The following TSHZ3 variants were observed in gnomAD, a reference collection of about 807,000 sequenced individuals.
The protein encoded by TSHZ3 is teashirt zinc finger homeobox 3.
In TSHZ3, 10 loss-of-function variants were observed where a neutral mutation model predicts 64.5. That is an observed-to-expected ratio of 0.16 (90% CI 0.10 to 0.26). The LOEUF is 0.26. Among genes scored for constraint, TSHZ3 ranks in the 10% least tolerant of loss-of-function variants. The probability of loss-of-function intolerance (pLI) is 1.00; values close to 1 mark genes in which losing one functional copy is unlikely to be tolerated. For synonymous variants in TSHZ3, 608 were observed against 593.1 expected (o/e 1.03, Z -0.36); for missense variants, 1,242 against 1,421.7 (o/e 0.87, Z 2.03).
chr19:31,292,171 G>A (rs1451979293), intron 1 of TSHZ3, among the ~76,000 whole-genome samples: 1 of 152,118 alleles, frequency 6.6e-6, no homozygotes, highest in African/African-American at 2.4e-5. Flanking sequence ...AATTAGAAGA[G>A]TAACTTCATC....
chr19:31,291,489 A>C (rs528636056), intron 1 of TSHZ3, among the ~76,000 whole-genome samples: 1 of 152,318 alleles, frequency 6.6e-6, no homozygotes, highest in African/African-American at 2.4e-5. Context: ...AAGAGAAGGC[A>C]GCTTCCCTGT....
Position 31,278,095 on chromosome 19 carries a change from C to T in TSHZ3, c.1698G>A (p.Ser566=), listed in dbSNP as rs139270246. ...LPNMMKLSLG[S]SGKSTPLKPM... is the part of the protein sequence containing the mutation. The stretch of plus-strand genomic sequence containing the variant: ...GTTTCAGGGGCGTGCTCTTCCCCGA[C>T]GAGCCCAGGGACAACTTCATCATGT... Residue 566 remains serine, a synonymous_variant, in exon 2 of 2, where the codon TCG becomes TCA. Coordinates refer to ENST00000240587, the MANE Select transcript of TSHZ3 (RefSeq NM_020856.4). This position sits in a 1 kb window ranked among gnomAD's most constrained non-coding sequence, Gnocchi z 4.7. The T allele has an allele frequency of 1.5e-3, 2,350 of 1,614,152 alleles. 2 individuals are homozygous for T. The highest frequency in any genetic ancestry group is 1.7e-3 in the Non-Finnish European group (2,062 of 1,180,020).
intron 1 of TSHZ3, among the ~76,000 whole-genome samples, chr19:31,245,346 T>C (rs1311015619): frequency 1.3e-5 from 2 of 152,084 alleles, no homozygotes; most frequent in African/African-American, 4.8e-5. Flanking sequence ...ACAGGACTCA[T>C]GTGGAAGGAA....
At chr19:31,225,988 G>A (rs1975454859) in intron 4 of TSHZ3, among the ~76,000 whole-genome samples, 1 of 152,014 alleles carries the variant, frequency 6.6e-6, no homozygotes, top group Admixed American at 6.6e-5. Flanking sequence ...TGAGCAGGGT[G>A]TGTTAATGGG....
At chr19:31,268,913 G>C (rs1976094776) in intron 1 of TSHZ3, among the ~76,000 whole-genome samples, 1 of 152,096 alleles carries the variant, frequency 6.6e-6, no homozygotes, top group South Asian at 2.1e-4. Flanking sequence ...CAGTTCAACA[G>C]ACACAGTCTC....
rs758169952 is a variant in TSHZ3 at position 31,216,454 on chromosome 19, C to CT, written n.687-11377dup. On this transcript the variant is annotated intron_variant and non_coding_transcript_variant, in intron 4 of 6. Coordinates refer to the TSHZ3 transcript ENST00000651361. ...TCAGAAAGGCTTTCCCAGGAGGCAG[C>CT]TTTTTTTTTTTTTTTTGAGACAGAG... Among the ~76,000 whole-genome samples the CT allele has an allele frequency of 8.5e-3, 1,171 of 137,634 alleles. 9 individuals are homozygous for CT. Among genetic ancestry groups the CT allele is most frequent in the Middle Eastern group, 0.023 (6 of 260 alleles). The allele number at this position is 137,634 out of a possible 152,430, so 90.3% of individuals were successfully genotyped here. A position where few individuals can be genotyped will look rare whatever the true frequency, so the allele number is the denominator to read the frequency against.
chr19:31,172,984 A>G (rs1347300162), intron 5 of TSHZ3, among the ~76,000 whole-genome samples: 3 of 152,218 alleles, frequency 2.0e-5, no homozygotes, highest in African/African-American at 4.8e-5. Context: ...ATGGGGCTAG[A>G]TCATGTAGGG....
chr19:31,298,484 T>C (rs1326849441), intron 1 of TSHZ3, among the ~76,000 whole-genome samples: 1 of 152,170 alleles, frequency 6.6e-6, no homozygotes, highest in African/African-American at 2.4e-5. Flanking sequence ...TTGTTCCATT[T>C]CCTTGAGACA....
intron 5 of TSHZ3, among the ~76,000 whole-genome samples, chr19:31,196,099 A>G (rs1974989107): frequency 6.6e-6 from 1 of 151,886 alleles, no homozygotes; most frequent in Non-Finnish European, 1.5e-5. Context: ...GTGTATGTAT[A>G]CATGTATATA....
At chr19:31,172,318 A>T (rs1376613858) in intron 5 of TSHZ3, among the ~76,000 whole-genome samples, 2 of 152,294 alleles carry the variant, frequency 1.3e-5, no homozygotes, top group Admixed American at 6.5e-5. Flanking sequence ...GTCTAATAGG[A>T]TGGGTTTGAA....
chr19:31,163,576 CA>C (rs1250314640), intron 5 of TSHZ3, among the ~76,000 whole-genome samples: 1 of 152,092 alleles, frequency 6.6e-6, no homozygotes, highest in African/African-American at 2.4e-5. Context: ...ACTAAAAACA[CA>C]AAAACTATCC....
At chr19:31,283,701 G>A (rs1412429891) in intron 1 of TSHZ3, among the ~76,000 whole-genome samples, 2 of 152,174 alleles carry the variant, frequency 1.3e-5, no homozygotes, top group East Asian at 1.9e-4. Flanking sequence ...CTGTAAAGTC[G>A]CTTAATCTGG....
At chr19:31,250,548 T>C (rs988560046) in intron 1 of TSHZ3, among the ~76,000 whole-genome samples, 1 of 152,204 alleles carries the variant, frequency 6.6e-6, no homozygotes. Flanking sequence ...AATGGATGCT[T>C]AGCACAGTGC....
chr19:31,225,275 C>G (rs1975444894), intron 4 of TSHZ3, among the ~76,000 whole-genome samples: 1 of 152,164 alleles, frequency 6.6e-6, no homozygotes, highest in Non-Finnish European at 1.5e-5. Flanking sequence ...ATGTGACAAT[C>G]TCTTTGAAGT....
At chr19:31,327,420 C>T (rs1169921461) in intron 1 of TSHZ3, among the ~76,000 whole-genome samples, 1 of 152,174 alleles carries the variant, frequency 6.6e-6, no homozygotes, top group Non-Finnish European at 1.5e-5. Flanking sequence ...AGAATAAATA[C>T]CTGAAATCCT....
At chr19:31,322,407 C>G (rs1471298147) in intron 1 of TSHZ3, among the ~76,000 whole-genome samples, 2 of 152,096 alleles carry the variant, frequency 1.3e-5, no homozygotes, top group Non-Finnish European at 2.9e-5. Context: ...CGTGAGCCCC[C>G]GTGCCTAGCC....
chr19:31,349,100 C>T, intron 1 of TSHZ3, 80 bp downstream of exon 1: 3 of 1,493,124 alleles, frequency 2.0e-6, no homozygotes, highest in Non-Finnish European at 2.7e-6. Flanking sequence ...GGGCGAGGAG[C>T]GGGGTCGCGC....
At position 31,349,063 on chromosome 19, in the gene TSHZ3, G is replaced by A; in HGVS notation, c.40+117C>T. The stretch of plus-strand genomic sequence containing the variant: ...CACCCAAACAGGAGAGCGGCGCCCG[G>A]AGTTACTCAGTGCGGGCAGAAGAGC... On this transcript the variant is annotated intron_variant, in intron 1 of 1. Coordinates refer to ENST00000240587, the MANE Select transcript of TSHZ3 (RefSeq NM_020856.4). The A allele has an allele frequency of 3.0e-6, 4 of 1,323,302 alleles. No homozygotes were observed. The South Asian group carries it at 4.3e-5, about 14-fold the overall frequency. The allele number at this position is 1,323,302 out of a possible 1,614,324, so 82.0% of individuals were successfully genotyped here.
intron 1 of TSHZ3, among the ~76,000 whole-genome samples, chr19:31,297,084 C>A (rs1453369186): frequency 2.0e-5 from 3 of 152,206 alleles, no homozygotes; most frequent in Admixed American, 2.0e-4. Context: ...GGGCATAGCA[C>A]CCCTAACCAC....
Sources: allele counts gnomAD v4.1 joint callset (sites outside exome capture counted in the v4.1 genomes callset), GRCh38; gene constraint gnomAD v4.1.1; non-coding constraint Gnocchi (gnomAD v3.1); transcripts MANE v1.5; gene names NCBI Gene and HGNC (gene_info 2026-07-23, HGNC 2026-07-21).